The following ALKBH6 variants were observed in gnomAD, a reference collection of about 807,000 sequenced individuals.
ALKBH6 encodes the protein alkB homolog 6, nucleotide demethylase.
A neutral mutation model predicts 25.1 loss-of-function variants in ALKBH6; 20 were observed. The observed-to-expected ratio is 0.80, with a 90% confidence interval of 0.56 to 1.16. The LOEUF is 1.16. Ranked by LOEUF, ALKBH6 falls within the 50% of genes most tolerant of loss-of-function variation. The pLI is 0.00. For synonymous variants in ALKBH6, 156 were observed against 147.5 expected (o/e 1.06, Z -0.42); for missense variants, 263 against 326.5 (o/e 0.81, Z 1.50).
rs1172712746 is a variant in ALKBH6, at chr19:36,011,467, A to T, written c.124-3T>A. 5 of 1,613,540 alleles carry T rather than the reference A, an allele frequency of 3.1e-6. No homozygotes were observed. Among genetic ancestry groups the T allele is most frequent in the Non-Finnish European group, 4.2e-6 (5 of 1,179,862 alleles). On this transcript the variant is annotated splice_region_variant and splice_polypyrimidine_tract_variant and intron_variant, in intron 3 of 6. Transcript: ENST00000378875. ...TTTGGCTTTGGGGCATTAAAAACCT[A>T]AGAGGTGGGAAGGGGGTCACTCCTT...
Position 36,009,318 on chromosome 19 carries a change from AGCACGCGGG to A in ALKBH6, c.680_688del (p.Pro227_Val229del). 2 of 1,360,336 alleles carry A rather than the reference AGCACGCGGG, an allele frequency of 1.5e-6. No individual in the cohort carries two copies. Among genetic ancestry groups the A allele is most frequent in the Non-Finnish European group, 9.5e-7 (1 of 1,053,888 alleles). The allele number at this position is 1,360,336 out of a possible 1,614,324, so 84.3% of individuals were successfully genotyped here. ...CTTGCCCAGCAGGAGGCCGGCGCGC[AGCACGCGGG>A]GCACGCGGCGGATGGTCAGCGAGAC... On this transcript the variant is annotated inframe_deletion, in exon 7 of 7. Coordinates refer to ENST00000378875, the MANE Select transcript of ALKBH6 (RefSeq NM_032878.5).
At position 36,009,369 on chromosome 19, in the gene ALKBH6, A is replaced by G; in HGVS notation, c.638T>C (p.Leu213Pro). The G allele has an allele frequency of 6.3e-6, 8 of 1,276,862 alleles. No individual in the cohort carries two copies. Among genetic ancestry groups the G allele is most frequent in the Non-Finnish European group, 6.9e-6 (7 of 1,012,630 alleles). The allele number at this position is 1,276,862 out of a possible 1,614,324, so 79.1% of individuals were successfully genotyped here. The change falls in exon 7 of 7, where the codon CTG becomes CCG. Residue 213 changes from leucine (L) to proline (P), a missense_variant. Leu to Pro is a moderately conservative substitution (Grantham distance 98, BLOSUM62 -3). Around this residue, in one of 3 missense-constraint regions of ALKBH6, gnomAD observed 148 missense variants for 157.5 expected, o/e 0.94. Coordinates refer to ENST00000378875, the MANE Select transcript of ALKBH6 (RefSeq NM_032878.5). ...ACPSARPGAC[L>P]VRGTRVSLTI... is the part of the protein sequence containing the mutation. ...CAGCGAGACCCGGGTGCCGCGCACC[A>G]GGCAGGCTCCCGGCCGCGCCGACGG...
Position 36,009,322 on chromosome 19 carries a change from C to A in ALKBH6, c.685G>T (p.Val229Leu). The change falls in exon 7 of 7, where the codon GTG becomes TTG. Residue 229 changes from valine (V) to leucine (L), a missense_variant. Val to Leu is a conservative substitution (Grantham distance 32). Around this residue, in one of 3 missense-constraint regions of ALKBH6, gnomAD observed 148 missense variants for 157.5 expected, o/e 0.94. Transcript: ENST00000378875. ...VSLTIRRVPR[V>L]LRAGLLLGK The stretch of plus-strand genomic sequence containing the variant: ...CCCAGCAGGAGGCCGGCGCGCAGCA[C>A]GCGGGGCACGCGGCGGATGGTCAGC... 7.4e-7 allele frequency: 1 copy of A among 1,357,020 alleles called. No homozygotes were observed. 84.1% of individuals were successfully genotyped at this position (1,357,020 alleles called of 1,614,324 possible).
At chr19:36,009,764 T>G (rs1968538736) in intron 6 of ALKBH6, among the ~76,000 whole-genome samples, 2 of 144,386 alleles carry the variant, frequency 1.4e-5, no homozygotes, top group African/African-American at 5.2e-5. Context: ...GGCTCTGCCG[T>G]CCCTCGGGAG....
In ALKBH6 at chr19:36,009,539, G is replaced by A; in HGVS notation, c.468C>T (p.Pro156=). 8.0e-7 allele frequency: 1 copy of A among 1,257,590 alleles called. No individual in the cohort carries two copies. The allele number at this position is 1,257,590 out of a possible 1,614,324, so 77.9% of individuals were successfully genotyped here. ...CCAGCAGTAGCGAGGTGGTGGGCCGGGGCGGAGGCCGAGGCTGCAGGGCGG... is the reference window on the plus strand; with the variant it reads ...CCAGCAGTAGCGAGGTGGTGGGCCGAGGCGGAGGCCGAGGCTGCAGGGCGG... ...DDPTEQPRPP[P]RPTTSLLLEP... is the part of the protein sequence containing the mutation. Residue 156 remains proline, a synonymous_variant, in exon 7 of 7, where the codon CCC becomes CCT. Coordinates refer to ENST00000378875, the MANE Select transcript of ALKBH6 (RefSeq NM_032878.5).
rs1349909887 is a variant in ALKBH6, at chr19:36,013,350, C to T, written c.48G>A (p.Val16=). The change falls in exon 2 of 7, where the codon GTG becomes GTA. Residue 16 remains valine (V), a synonymous_variant. Transcript: ENST00000378875. This position sits in a 1 kb window ranked among gnomAD's most constrained non-coding sequence, Gnocchi z 4.6. ...CACCCTGAGTTCTGACAACCTGCTC[C>T]ACTCTGAACGGTTCCAGGGCTGGGA... is the stretch of plus-strand genomic sequence containing the variant. ...ARVPALEPFR[V]EQAPPVIYYV... 1.2e-6 allele frequency: 2 copies of T among 1,613,988 alleles called. No individual in the cohort carries two copies. The highest frequency in any genetic ancestry group is 3.3e-5 in the Admixed American group (2 of 59,992).
intron 1 of ALKBH6, 102 bp downstream of exon 1, chr19:36,014,073 C>T: frequency 1.9e-6 from 3 of 1,565,744 alleles, no homozygotes; most frequent in Non-Finnish European, 8.6e-7. Context: ...TTTAGGACTC[C>T]AAGCTCTGAG....
chr19:36,009,253 A>G lies in ALKBH6; in HGVS notation c.*37T>C. The G allele has an allele frequency of 7.7e-7, 1 of 1,296,498 alleles. No homozygotes were observed. Among genetic ancestry groups the G allele is most frequent in the Non-Finnish European group, 9.8e-7 (1 of 1,023,260 alleles). 80.3% of individuals were successfully genotyped at this position (1,296,498 alleles called of 1,614,324 possible). A position where few individuals can be genotyped will look rare whatever the true frequency, so the allele number is the denominator to read the frequency against. On this transcript the variant is annotated 3_prime_UTR_variant, in exon 7 of 7. Coordinates refer to ENST00000378875, the MANE Select transcript of ALKBH6 (RefSeq NM_032878.5). ...GGAGTCACAGCAGCCCCAAAGGGGC[A>G]GGAACCTGGGAATCCGAGGGGTCCC...
intron 3 of ALKBH6, 174 bp downstream of exon 3, chr19:36,012,847 T>C: frequency 1.5e-6 from 1 of 660,426 alleles, no homozygotes; most frequent in Non-Finnish European, 2.7e-6. Context: ...AACCCCCTAT[T>C]CTCTAAGCTA....
Position 36,013,297 on chromosome 19 carries a change from G to A in ALKBH6, c.54+47C>T, listed in dbSNP as rs1164989249. 6.2e-7 allele frequency: 1 copy of A among 1,610,486 alleles called. No individual in the cohort carries two copies. The highest frequency in any genetic ancestry group is 1.7e-5 in the Admixed American group (1 of 59,932). On this transcript the variant is annotated intron_variant, in intron 2 of 6. Transcript: ENST00000378875. This position sits in a 1 kb window ranked among gnomAD's most constrained non-coding sequence, Gnocchi z 4.6. ...GGGGCAGTCCCAACCCAAGAACTCA[G>A]GAATCAGCCTGCCTCCTTCACCCTC...
In ALKBH6 at chr19:36,009,564, G is replaced by A; in HGVS notation, c.454-11C>T. The A allele has an allele frequency of 2.4e-6, 3 of 1,246,836 alleles. No homozygotes were observed. The highest frequency in any genetic ancestry group is 3.0e-6 in the Non-Finnish European group (3 of 996,286). The allele number at this position is 1,246,836 out of a possible 1,614,324, so 77.2% of individuals were successfully genotyped here. A position where few individuals can be genotyped will look rare whatever the true frequency, so the allele number is the denominator to read the frequency against. On this transcript the variant is annotated splice_polypyrimidine_tract_variant and intron_variant, in intron 6 of 6. Transcript: ENST00000378875. ...GGGCGGAGGCCGAGGCTGCAGGGCG[G>A]GTTGAGGGTCAGCAGGGCTCAAGAA...
Position 36,010,789 on chromosome 19 carries a change from T to C in ALKBH6, c.336+105A>G. On this transcript the variant is annotated intron_variant, in intron 5 of 6. Transcript: ENST00000378875. The surrounding 1 kb of genome is among the most constrained non-coding windows in gnomAD (Gnocchi z 5.5). ...AGGGACAGGGAGGTGAATGCCTGTT[T>C]GGGAGATGTGGCTGCCTAATGAGTG... The C allele has an allele frequency of 6.4e-7, 1 of 1,566,618 alleles. No individual in the cohort carries two copies. Among genetic ancestry groups the C allele is most frequent in the Non-Finnish European group, 8.8e-7 (1 of 1,138,294 alleles).
Position 36,009,244 on chromosome 19 carries a change from C to CA in ALKBH6, c.*45dup. The CA allele has an allele frequency of 7.8e-7, 1 of 1,281,558 alleles. No homozygotes were observed. The highest frequency in any genetic ancestry group is 2.5e-5 in the South Asian group (1 of 40,164). 79.4% of individuals were successfully genotyped at this position (1,281,558 alleles called of 1,614,324 possible). ...CTAGGTCGCGGAGTCACAGCAGCCC[C>CA]AAAGGGGCAGGAACCTGGGAATCCG... On this transcript the variant is annotated 3_prime_UTR_variant, in exon 7 of 7. Coordinates refer to ENST00000378875, the MANE Select transcript of ALKBH6 (RefSeq NM_032878.5).
In ALKBH6 at chr19:36,013,104, C is replaced by T. The variant is rs758815219; in HGVS notation, c.55-15G>A. ...ACAGGTGGTGCCTAGGATAGAAAGACCCCCTGAAGGTGTGGCCCTTCAACC... is the reference window on the plus strand; with the variant it reads ...ACAGGTGGTGCCTAGGATAGAAAGATCCCCTGAAGGTGTGGCCCTTCAACC... On this transcript the variant is annotated splice_polypyrimidine_tract_variant and intron_variant, in intron 2 of 6. Transcript: ENST00000378875. The surrounding 1 kb of genome is among the most constrained non-coding windows in gnomAD (Gnocchi z 4.6). 6.2e-7 allele frequency: 1 copy of T among 1,611,988 alleles called. No homozygotes were observed.
At position 36,010,502 on chromosome 19, in the gene ALKBH6, T is replaced by A. The variant is rs962421811; in HGVS notation, c.453+65A>T. ...TACCCCGAAGGCATGTGGGACCAGG[T>A]CATCTTGGAGGATGTGCGAGGTTGA... On this transcript the variant is annotated intron_variant, in intron 6 of 6. Coordinates refer to ENST00000378875, the MANE Select transcript of ALKBH6 (RefSeq NM_032878.5). This position sits in a 1 kb window ranked among gnomAD's most constrained non-coding sequence, Gnocchi z 5.5. 2.9e-6 allele frequency: 4 copies of A among 1,392,462 alleles called. No individual in the cohort carries two copies. The African/African-American group carries it at 4.3e-5, about 15-fold the overall frequency. The allele number at this position is 1,392,462 out of a possible 1,614,324, so 86.3% of individuals were successfully genotyped here.
rs756857341 is a variant in ALKBH6 at position 36,011,450 on chromosome 19, T to G, written c.138A>C (p.Pro46=). ...CAGAGAGCTGGGTCCACTTTGGCTT[T>G]GGGGCATTAAAAACCTAAGAGGTGG... ...EYLLRQVFNA[P]KPKWTQLSGR... The change falls in exon 4 of 7, where the codon CCA becomes CCC. Residue 46 remains proline, a synonymous_variant. Transcript: ENST00000378875. The G allele has an allele frequency of 3.7e-6, 6 of 1,613,566 alleles. No individual in the cohort carries two copies. The highest frequency in any genetic ancestry group is 5.1e-6 in the Non-Finnish European group (6 of 1,179,962).
chr19:36,011,328 T>G, intron 4 of ALKBH6, 76 bp downstream of exon 4: 1 of 1,546,080 alleles, frequency 6.5e-7, no homozygotes, highest in East Asian at 2.3e-5. Flanking sequence ...TCTGATGTCT[T>G]AAGTCTATTG....
At chr19:36,009,602 G>A in intron 6 of ALKBH6, 49 bp from the exon 7 acceptor site, 1 of 1,142,220 alleles carries the variant, frequency 8.8e-7, no homozygotes, top group Non-Finnish European at 1.1e-6. Flanking sequence ...CGGGGGGTGG[G>A]GGTGGGCGAG....
chr19:36,010,451 G>C lies in ALKBH6; in HGVS notation c.453+116C>G. 1.1e-6 allele frequency: 1 copy of C among 886,056 alleles called. No homozygotes were observed. Among genetic ancestry groups the C allele is most frequent in the Non-Finnish European group, 1.8e-6 (1 of 551,180 alleles). 54.9% of individuals were successfully genotyped at this position (886,056 alleles called of 1,614,324 possible). ...GGGTACACCCCATGAGGGGACAAGG[G>C]AAGGTATCTGGGAGAGTGCCAGGAG... On this transcript the variant is annotated intron_variant, in intron 6 of 6. Transcript: ENST00000378875. This position sits in a 1 kb window ranked among gnomAD's most constrained non-coding sequence, Gnocchi z 5.5.
Sources: allele counts gnomAD v4.1 joint callset (sites outside exome capture counted in the v4.1 genomes callset), GRCh38; gene constraint gnomAD v4.1.1; regional missense constraint gnomAD v4.1.1; non-coding constraint Gnocchi (gnomAD v3.1); transcripts MANE v1.5; gene names NCBI Gene and HGNC (gene_info 2026-07-23, HGNC 2026-07-21).